The following GLIS3 variants were observed in gnomAD, a reference collection of about 807,000 sequenced individuals.
The protein encoded by GLIS3 is GLIS family zinc finger 3, also known as zinc finger protein GLIS3.
Under a neutral mutation model 78.6 loss-of-function variants are expected in GLIS3, and 53 were observed. That is an observed-to-expected ratio of 0.67 (90% CI 0.54 to 0.85). The LOEUF is 0.85. Among genes scored for constraint, GLIS3 ranks in the 40% least tolerant of loss-of-function variants. The probability of loss-of-function intolerance (pLI) is 0.00; values close to 1 mark genes in which losing one functional copy is unlikely to be tolerated. For missense variants in GLIS3, 1,703 were observed against 1,231.1 expected, an observed-to-expected ratio of 1.38 and a Z score of -5.74; for synonymous variants, 684 against 509.9, an observed-to-expected ratio of 1.34 and a Z score of -4.60.
At chr9:4,042,792 A>T (rs1324116399) in intron 4 of GLIS3, among the ~76,000 whole-genome samples, 1 of 152,196 alleles carries the variant, frequency 6.6e-6, no homozygotes, top group Non-Finnish European at 1.5e-5. Flanking sequence ...GTGACAATAA[A>T]AGCAGCAAGG....
At chr9:4,472,307 CAT>C in the GLIS3 span, among the ~76,000 whole-genome samples, 1 of 152,150 alleles carries the variant, frequency 6.6e-6, no homozygotes. Context: ...CACATGCACA[CAT>C]ATGTTTATTG....
chr9:3,873,468 C>G (rs915474532), intron 8 of GLIS3, among the ~76,000 whole-genome samples: 7 of 152,008 alleles, frequency 4.6e-5, no homozygotes, highest in African/African-American at 1.4e-4. Flanking sequence ...CGCAAAAAAC[C>G]ATATGATCAT....
the GLIS3 span, among the ~76,000 whole-genome samples, chr9:4,488,509 G>A: frequency 6.8e-6 from 1 of 147,760 alleles, no homozygotes; most frequent in Admixed American, 6.8e-5. Flanking sequence ...CTGTTCTCTC[G>A]CGCACGCTCT....
In GLIS3 at chr9:4,106,381, G is replaced by A. The variant is rs138779302; in HGVS notation, c.1710+11387C>T. Among the ~76,000 whole-genome samples, 48 of 152,160 alleles carry A rather than the reference G, an allele frequency of 3.2e-4. No individual in the cohort carries two copies. The East Asian group carries it at 7.5e-3, about 24-fold the overall frequency. On this transcript the variant is annotated intron_variant, in intron 4 of 10. Transcript: ENST00000381971. The stretch of plus-strand genomic sequence containing the variant: ...TTCATTTTCCTAAAACACTTTAAAC[G>A]TTTCTAAGAAGGGCGAATGCCGGTA...
the GLIS3 span, among the ~76,000 whole-genome samples, chr9:4,435,175 A>T: frequency 9.2e-5 from 14 of 152,324 alleles, 2 homozygotes; most frequent in South Asian, 2.9e-3. Flanking sequence ...CTTCCTCTCA[A>T]TGACTGCATG....
intron 2 of GLIS3, among the ~76,000 whole-genome samples, chr9:4,316,300 T>C (rs762989960): frequency 3.3e-5 from 5 of 152,226 alleles, no homozygotes; most frequent in Non-Finnish European, 7.3e-5. Context: ...GATTCTCCCA[T>C]AAGGTCCCAC....
chr9:4,108,602 G>A (rs1344421245), intron 4 of GLIS3, among the ~76,000 whole-genome samples: 1 of 152,138 alleles, frequency 6.6e-6, no homozygotes, highest in Non-Finnish European at 1.5e-5. Context: ...CTGGGACGAG[G>A]GATGTGGAAA....
chr9:4,264,264 A>G (rs920748821), intron 2 of GLIS3, among the ~76,000 whole-genome samples: 2 of 152,102 alleles, frequency 1.3e-5, no homozygotes, highest in South Asian at 4.2e-4. Context: ...AGCAAGTCCC[A>G]TTGGCTCTAC....
intron 4 of GLIS3, among the ~76,000 whole-genome samples, chr9:4,101,109 G>C (rs1830338342): frequency 6.6e-6 from 1 of 152,104 alleles, no homozygotes; most frequent in Non-Finnish European, 1.5e-5. Flanking sequence ...AACAACCCTG[G>C]GTCCTGGTTC....
intron 2 of GLIS3, among the ~76,000 whole-genome samples, chr9:4,333,167 A>C (rs1483172090): frequency 4.6e-5 from 7 of 151,722 alleles, no homozygotes; most frequent in African/African-American, 1.7e-4. Flanking sequence ...GGATTGCTTG[A>C]GACCAGGAGT....
chr9:4,261,491 G>A (rs983121960), intron 2 of GLIS3, among the ~76,000 whole-genome samples: 1 of 152,158 alleles, frequency 6.6e-6, no homozygotes, highest in East Asian at 1.9e-4. Context: ...TATCTCTATG[G>A]TAGAATAAAA....
intron 2 of GLIS3, among the ~76,000 whole-genome samples, chr9:4,178,707 G>A (rs1817014718): frequency 6.6e-6 from 1 of 152,190 alleles, no homozygotes; most frequent in African/African-American, 2.4e-5. Context: ...CACTGTCTTA[G>A]AGCGTATAGA....
chr9:4,120,140 C>T (rs573680645), intron 3 of GLIS3, among the ~76,000 whole-genome samples: 28 of 152,334 alleles, frequency 1.8e-4, no homozygotes, highest in African/African-American at 6.5e-4. Flanking sequence ...TGTTAAACAT[C>T]AACCTGTCTC....
At chr9:4,284,355 T>A (rs372563582) in intron 2 of GLIS3, among the ~76,000 whole-genome samples, 41 of 152,178 alleles carry the variant, frequency 2.7e-4, no homozygotes, top group East Asian at 2.5e-3. Context: ...CAAGTACATA[T>A]AAAAGCAAGC....
intron 4 of GLIS3, among the ~76,000 whole-genome samples, chr9:3,953,795 C>CTCTATATATATATATATATATA (rs1403671770): frequency 5.5e-5 from 4 of 73,320 alleles, no homozygotes; most frequent in African/African-American, 2.3e-4. Flanking sequence ...CTCTCTCTCT[C>CTCTATATATATATATATATATA]TATATATATA....
At chr9:3,936,256 C>G (rs662167) in intron 5 of GLIS3, among the ~76,000 whole-genome samples, 37,205 of 151,838 alleles carry the variant, frequency 0.25, 4,708 homozygotes, top group African/African-American at 0.27. Context: ...CCTAGTGTAA[C>G]GAAAATGGCA....
chr9:3,829,336 G>A lies in GLIS3; in HGVS notation c.2630C>T (p.Ala877Val). Residue 877 changes from alanine to valine, a missense_variant, in exon 10 of 11, where the codon GCC becomes GTC. By Grantham distance (64) the Ala-to-Val change is moderately conservative. Transcript: ENST00000381971. ...GQASFDVFHR[A>V]FSTHSGITVY... ...TGTAATGCCCGAGTGAGTCGAGAAG[G>A]CTCTGTGGAAAACATCAAAACTGGC... The A allele has an allele frequency of 6.2e-7, 1 of 1,614,034 alleles. No individual in the cohort carries two copies. The highest frequency in any genetic ancestry group is 8.5e-7 in the Non-Finnish European group (1 of 1,179,956).
chr9:4,407,708 G>C, the GLIS3 span, among the ~76,000 whole-genome samples: 1 of 152,114 alleles, frequency 6.6e-6, no homozygotes, highest in African/African-American at 2.4e-5. Flanking sequence ...ATTGGTCTGG[G>C]CAAGAATTTA....
At chr9:4,114,800 C>T (rs2130861231) in intron 4 of GLIS3, among the ~76,000 whole-genome samples, 1 of 66,546 alleles carries the variant, frequency 1.5e-5, no homozygotes, top group Non-Finnish European at 3.3e-5. Context: ...GGGCTTTCCA[C>T]AGAAGCAATA....
Sources: allele counts gnomAD v4.1 joint callset (sites outside exome capture counted in the v4.1 genomes callset), GRCh38; gene constraint gnomAD v4.1.1; transcripts MANE v1.5; gene names NCBI Gene and HGNC (gene_info 2026-07-23, HGNC 2026-07-21).